PLXND1: variants seen among roughly 807,000 people sequenced by gnomAD.
PLXND1 encodes the protein plexin D1.
PLXND1 carries 54 observed loss-of-function variants against 197.7 expected under a neutral mutation model. The observed-to-expected ratio is 0.27, with a 90% CI of 0.22 to 0.34. The LOEUF is 0.34. Ranked by LOEUF, PLXND1 falls within the 10% of genes least tolerant of loss-of-function variation. PLXND1 has a pLI of 1.00. For missense variants in PLXND1, 2,127 were observed against 2,699.2 expected, an observed-to-expected ratio of 0.79 and a Z score of 4.70; for synonymous variants, 1,180 against 1,161.2, an observed-to-expected ratio of 1.02 and a Z score of -0.33.
At chr3:129,590,421 G>A (rs548765968) in intron 1 of PLXND1, among the ~76,000 whole-genome samples, 21 of 152,258 alleles carry the variant, frequency 1.4e-4, no homozygotes, top group South Asian at 8.3e-4. Flanking sequence ...AAGTGACCCT[G>A]AGACAATAAC....
At chr3:129,581,411 C>A (rs749255407) in intron 8 of PLXND1, among the ~76,000 whole-genome samples, 2 of 152,200 alleles carry the variant, frequency 1.3e-5, no homozygotes, top group Non-Finnish European at 2.9e-5. Context: ...TCCCTCCCAG[C>A]TGGTGAGCTC....
chr3:129,575,615 G>A (rs372116698), intron 10 of PLXND1, 53 bp from the exon 11 acceptor site: 1,660 of 1,371,530 alleles, frequency 1.2e-3, no homozygotes, highest in Admixed American at 2.1e-3. Context: ...CTGGGGCTCT[G>A]CTGGGGATGG....
rs570018041 is a variant in PLXND1, at chr3:129,574,339, G to A, written c.2682C>T (p.His894=). 3.8e-5 allele frequency: 60 copies of A among 1,599,438 alleles called. No individual in the cohort carries two copies. The highest frequency in any genetic ancestry group is 1.6e-4 in the African/African-American group (12 of 74,708). The change falls in exon 12 of 36, where the codon CAC becomes CAT. Residue 894 remains histidine, a synonymous_variant. Transcript: ENST00000324093. ...TGCCTCCACTGGGCATGCTTACCGCGTGGATCTCGGGGGCGGGGCAGGTGC... is the reference window on the plus strand; with the variant it reads ...TGCCTCCACTGGGCATGCTTACCGCATGGATCTCGGGGGCGGGGCAGGTGC... ...MAGTCPAPEI[H]AIEPLSGPLD... is the part of the protein sequence containing the mutation.
chr3:129,587,067 T>C (rs898917840), intron 2 of PLXND1, among the ~76,000 whole-genome samples: 1 of 152,130 alleles, frequency 6.6e-6, no homozygotes, highest in African/African-American at 2.4e-5. Context: ...ACTGAGGAGC[T>C]CTACAATGTG....
In PLXND1 at chr3:129,589,499, G is replaced by A. The variant is rs1193983205; in HGVS notation, c.1340C>T (p.Ala447Val). 1 of 1,600,048 alleles carries A rather than the reference G, an allele frequency of 6.2e-7. No homozygotes were observed. Among genetic ancestry groups the A allele is most frequent in the Admixed American group, 1.7e-5 (1 of 58,412 alleles). Residue 447 changes from alanine (A) to valine (V), a missense_variant, in exon 2 of 36, where the codon GCT becomes GTT. Around this residue, in one of 6 missense-constraint regions of PLXND1, gnomAD observed 1,095 missense variants for 1,259.8 expected, o/e 0.87. Coordinates refer to ENST00000324093, the MANE Select transcript of PLXND1 (RefSeq NM_015103.3). The stretch of plus-strand genomic sequence containing the variant: ...GGACAGCGGGTGCTGCAGGTGAGCA[G>A]CTCCACAGTCCAGCTGCTCTGGCTG... ...QLQPEQLDCG[A>V]AHLQHPLSIL...
Position 129,596,887 on chromosome 3 carries a change from G to A in PLXND1, c.1312-7360C>T, listed in dbSNP as rs140759325. The stretch of plus-strand genomic sequence containing the variant: ...CTTGGAGCCTTGCGCAAACATCTCC[G>A]GGCTGGATTCCATGAGCTGGGGACA... On this transcript the variant is annotated intron_variant, in intron 1 of 35. Transcript: ENST00000324093. 3.2e-3 allele frequency among the ~76,000 whole-genome samples: 483 copies of A among 152,216 alleles called. 2 individuals are homozygous for A. The highest frequency in any genetic ancestry group is 0.011 in the African/African-American group (463 of 41,548).
In PLXND1 at chr3:129,557,386, G is replaced by T. The variant is rs1342351193; in HGVS notation, c.5446-163C>A. Among the ~76,000 whole-genome samples, 1 of 152,164 alleles carries T rather than the reference G, an allele frequency of 6.6e-6. No homozygotes were observed. Among genetic ancestry groups the T allele is most frequent in the African/African-American group, 2.4e-5 (1 of 41,424 alleles). On this transcript the variant is annotated intron_variant, in intron 33 of 35. Coordinates refer to ENST00000324093, the MANE Select transcript of PLXND1 (RefSeq NM_015103.3). The surrounding 1 kb of genome is among the most constrained non-coding windows in gnomAD (Gnocchi z 4.8). Reference sequence around the variant, plus strand: ...CACTGAACGTCCCCGCACTCAGCCGGCCCCAGACCAGGGGCTCCTCACTGT... The same window carrying T: ...CACTGAACGTCCCCGCACTCAGCCGTCCCCAGACCAGGGGCTCCTCACTGT...
intron 17 of PLXND1, 57 bp from the exon 18 acceptor site, chr3:129,571,360 G>T: frequency 1.3e-6 from 2 of 1,580,498 alleles, no homozygotes; most frequent in Middle Eastern, 1.8e-4. Flanking sequence ...GATGGGCATG[G>T]AGAAACGGTG....
intron 8 of PLXND1, among the ~76,000 whole-genome samples, chr3:129,579,596 G>T (rs2085360067): frequency 1.3e-5 from 2 of 152,190 alleles, no homozygotes; most frequent in African/African-American, 4.8e-5. Flanking sequence ...AATCTGACCT[G>T]CTGGGACCAT....
At position 129,560,699 on chromosome 3, in the gene PLXND1, T is replaced by C. The variant is rs2085045021; in HGVS notation, c.5018A>G (p.Tyr1673Cys). The change falls in exon 30 of 36, where the codon TAT becomes TGT. Residue 1673 changes from tyrosine (Y) to cysteine (C), a missense_variant. Physicochemically the swap from Tyr to Cys is radical, Grantham distance 194. This residue lies in a region of PLXND1 where 53 missense variants were observed against 41.4 expected (regional missense o/e 1.28). Transcript: ENST00000324093. ...GRVKDLDTEKYFHLVLPTDEL... is the reference protein window; with the variant it reads ...GRVKDLDTEKCFHLVLPTDEL... ...AGGTTGGGCACTCACCAAATGGAAA[T>C]ACTTCTCTGTGTCCAAGTCTTTCAC... 6.2e-7 allele frequency: 1 copy of C among 1,604,086 alleles called. No homozygotes were observed. Among genetic ancestry groups the C allele is most frequent in the Non-Finnish European group, 8.5e-7 (1 of 1,171,038 alleles).
Position 129,578,441 on chromosome 3 carries a change from G to A in PLXND1, c.2242-8C>T, listed in dbSNP as rs2085344222. On this transcript the variant is annotated splice_region_variant and splice_polypyrimidine_tract_variant and intron_variant, in intron 8 of 35. Transcript: ENST00000324093. ...GGGGCAGTCCTGAGGGCTCTGCAGA[G>A]GAAACAGAAGGAGAGGGTGACACAG... 1.3e-6 allele frequency: 2 copies of A among 1,535,366 alleles called. No homozygotes were observed. The highest frequency in any genetic ancestry group is 1.7e-4 in the Middle Eastern group (1 of 5,838).
intron 1 of PLXND1, among the ~76,000 whole-genome samples, chr3:129,596,565 GCAGAGCACGAAGCC>G (rs956879707): frequency 2.6e-5 from 4 of 152,166 alleles, no homozygotes; most frequent in African/African-American, 9.7e-5. Context: ...AGCAGGAGGG[GCAGAGCACGAAGCC>G]AGTCTTTCCA....
intron 1 of PLXND1, among the ~76,000 whole-genome samples, chr3:129,604,935 C>T (rs903907640): frequency 6.6e-6 from 1 of 152,374 alleles, no homozygotes; most frequent in South Asian, 2.1e-4. Context: ...GACAGGCTCA[C>T]GCAGTGGCCC....
In PLXND1 at chr3:129,589,401, T is replaced by G; in HGVS notation, c.1438A>C (p.Asn480His). ...CCCAGGAAGACCGCTGTGTAGTTGTTGACGCTGGCCACGGCCACGGAGGTG... is the reference window on the plus strand; with the variant it reads ...CCCAGGAAGACCGCTGTGTAGTTGTGGACGCTGGCCACGGCCACGGAGGTG... ...GLTSVAVASVNNYTAVFLGTV... is the reference protein window; with the variant it reads ...GLTSVAVASVHNYTAVFLGTV... Residue 480 changes from asparagine to histidine, a missense_variant, in exon 2 of 36, where the codon AAC becomes CAC. By Grantham distance (68) the Asn-to-His change is moderately conservative (BLOSUM62 1). Coordinates refer to ENST00000324093, the MANE Select transcript of PLXND1 (RefSeq NM_015103.3). 4.3e-6 allele frequency: 7 copies of G among 1,610,994 alleles called. No homozygotes were observed. Among genetic ancestry groups the G allele is most frequent in the Non-Finnish European group, 5.9e-6 (7 of 1,179,094 alleles).
At chr3:129,597,907 G>A (rs1170604242) in intron 1 of PLXND1, among the ~76,000 whole-genome samples, 1 of 152,236 alleles carries the variant, frequency 6.6e-6, no homozygotes, top group African/African-American at 2.4e-5. Context: ...ATGGCTGTCA[G>A]AGCTGGAGAG....
chr3:129,602,854 T>G (rs2085731075), intron 1 of PLXND1, among the ~76,000 whole-genome samples: 1 of 152,164 alleles, frequency 6.6e-6, no homozygotes, highest in Non-Finnish European at 1.5e-5. Context: ...TGCTTTGGGA[T>G]AAGGATTGCT....
chr3:129,560,282 TG>T, intron 31 of PLXND1, 47 bp downstream of exon 31: 1 of 1,210,818 alleles, frequency 8.3e-7, no homozygotes, highest in Non-Finnish European at 1.2e-6. Context: ...GAGCTGGGGC[TG>T]GAGCCTTGTA....
rs1012488048 is a variant in PLXND1 at position 129,573,858 on chromosome 3, G to C, written c.2686-113C>G. On this transcript the variant is annotated intron_variant, in intron 12 of 35. Transcript: ENST00000324093. ...CACAGCCGTGCAGACCCACTGCTTA[G>C]AGGAAGGTCTGGAGGCTCAGGTGGG... 10 of 1,218,060 alleles carry C rather than the reference G, an allele frequency of 8.2e-6. 1 individual carries two copies. Among genetic ancestry groups the C allele is most frequent in the Middle Eastern group, 2.8e-4 (1 of 3,608 alleles). The allele number at this position is 1,218,060 out of a possible 1,614,324, so 75.5% of individuals were successfully genotyped here.
Position 129,606,453 on chromosome 3 carries a change from C to T in PLXND1, c.187G>A (p.Ala63Thr), listed in dbSNP as rs771559022. ...ACGGTCCCCGCCGCGCCGTCCAGGG[C>T]GAAGTTGTTGGTGGGCGTGGGCGAG... ...FPSPTPTNNF[A>T]LDGAAGTVYL... Residue 63 changes from alanine to threonine, a missense_variant, in exon 1 of 36, where the codon GCC becomes ACC. Ala to Thr is a moderately conservative substitution (Grantham distance 58). Transcript: ENST00000324093. 1.4e-6 allele frequency: 2 copies of T among 1,454,436 alleles called. No homozygotes were observed. Among genetic ancestry groups the T allele is most frequent in the Non-Finnish European group, 1.8e-6 (2 of 1,109,598 alleles). The allele number at this position is 1,454,436 out of a possible 1,614,324, so 90.1% of individuals were successfully genotyped here.
Sources: allele counts gnomAD v4.1 joint callset (sites outside exome capture counted in the v4.1 genomes callset), GRCh38; gene constraint gnomAD v4.1.1; regional missense constraint gnomAD v4.1.1; non-coding constraint Gnocchi (gnomAD v3.1); transcripts MANE v1.5; gene names NCBI Gene and HGNC (gene_info 2026-07-23, HGNC 2026-07-21).